Variants in BCAS3 observed in about 807,000 individuals in gnomAD.
BCAS3 encodes the protein BCAS4/BCAS3 fusion.
A neutral mutation model predicts 116.1 loss-of-function variants in BCAS3; 53 were observed. The observed-to-expected ratio is 0.46, with a 90% confidence interval of 0.37 to 0.57. The LOEUF (loss-of-function observed/expected upper bound fraction) is 0.57, where lower values mean the gene tolerates loss of function less well. Ranked by LOEUF, BCAS3 falls within the 20% of genes least tolerant of loss-of-function variation. BCAS3 has a pLI of 0.00. For synonymous variants in BCAS3, 391 were observed against 408.2 expected (o/e 0.96, Z 0.51); for missense variants, 917 against 1,165.4 (o/e 0.79, Z 3.10).
intron 14 of BCAS3, among the ~76,000 whole-genome samples, chr17:60,973,471 C>G (rs960189726): frequency 1.3e-5 from 2 of 151,900 alleles, no homozygotes; most frequent in East Asian, 3.9e-4. Flanking sequence ...ATAATCATCA[C>G]CACAATCAAG....
At position 60,912,687 on chromosome 17, in the gene BCAS3, G is replaced by A. The variant is rs148685792; in HGVS notation, c.993+1985G>A. 2.9e-3 allele frequency among the ~76,000 whole-genome samples: 439 copies of A among 152,182 alleles called. 5 individuals are homozygous for A. Among genetic ancestry groups the A allele is most frequent in the Admixed American group, 4.8e-3 (74 of 15,282 alleles). The stretch of plus-strand genomic sequence containing the variant: ...TTAGTTGATGTGGATAAACACAAAT[G>A]TTCTCTTTTTTAATTGAAATGAAAT... On this transcript the variant is annotated intron_variant, in intron 12 of 23. Coordinates refer to ENST00000407086, the MANE Select transcript of BCAS3 (RefSeq NM_017679.5).
At chr17:60,708,038 G>A (rs902833815) in intron 4 of BCAS3, among the ~76,000 whole-genome samples, 2 of 152,030 alleles carry the variant, frequency 1.3e-5, no homozygotes, top group Admixed American at 1.3e-4. Flanking sequence ...AGAAAAGTGT[G>A]TAAGGCCGGA....
chr17:61,371,386 AC>A (rs1181666486), intron 23 of BCAS3, among the ~76,000 whole-genome samples: 16 of 152,190 alleles, frequency 1.1e-4, no homozygotes, highest in Admixed American at 2.6e-4. Flanking sequence ...TCAGCTCCCC[AC>A]AAAGTAAAGT....
chr17:61,388,692 G>A lies in BCAS3; in HGVS notation c.2594-3285G>A, dbSNP rs753541091. 3.2e-6 allele frequency: 5 copies of A among 1,550,208 alleles called. No homozygotes were observed. The highest frequency in any genetic ancestry group is 2.7e-5 in the African/African-American group (2 of 73,308). ...GCAACCCAACAGTAACAAAGCATGC[G>A]TTCGGGATGGAGGAAGGTAAGGCCA... On this transcript the variant is annotated intron_variant, in intron 23 of 23. Transcript: ENST00000407086. This position sits in a 1 kb window ranked among gnomAD's most constrained non-coding sequence, Gnocchi z 6.5.
rs2061454622 is a variant in BCAS3, at chr17:60,962,386, G to A, written c.1221+15034G>A. Among the ~76,000 whole-genome samples, 1 of 152,166 alleles carries A rather than the reference G, an allele frequency of 6.6e-6. No individual in the cohort carries two copies. Among genetic ancestry groups the A allele is most frequent in the Admixed American group, 6.5e-5 (1 of 15,278 alleles). On this transcript the variant is annotated intron_variant, in intron 14 of 23. Coordinates refer to ENST00000407086, the MANE Select transcript of BCAS3 (RefSeq NM_017679.5). The surrounding 1 kb of genome is among the most constrained non-coding windows in gnomAD (Gnocchi z 4.4). ...TGATACAAGCCATTTTTACTAGGGT[G>A]AGATGATATCTTGTTGTGGTTTTGA...
At chr17:60,775,802 A>G (rs1221361800) in intron 6 of BCAS3, among the ~76,000 whole-genome samples, 1 of 152,224 alleles carries the variant, frequency 6.6e-6, no homozygotes, top group Admixed American at 6.5e-5. Flanking sequence ...GTATGAGTCT[A>G]TATAAGTAAA....
chr17:61,267,700 C>T (rs555388407), intron 22 of BCAS3, among the ~76,000 whole-genome samples: 5 of 144,598 alleles, frequency 3.5e-5, no homozygotes, highest in Admixed American at 2.8e-4. Flanking sequence ...CCAGCCTGGG[C>T]GACAGAGCAA....
At chr17:60,965,513 G>A (rs1429895420) in intron 14 of BCAS3, among the ~76,000 whole-genome samples, 2 of 151,968 alleles carry the variant, frequency 1.3e-5, no homozygotes, top group African/African-American at 2.4e-5. Flanking sequence ...GAGCCACCAC[G>A]CCCGGCCTAT....
At position 61,220,867 on chromosome 17, in the gene BCAS3, G is replaced by A. The variant is rs557070770; in HGVS notation, c.2425+136303G>A. The stretch of plus-strand genomic sequence containing the variant: ...TGTAATCCCAGCACTTTGGGAGGCC[G>A]AGGTGGGTGGATCACGAGGTCAGGA... On this transcript the variant is annotated intron_variant, in intron 22 of 23. Transcript: ENST00000407086. This position sits in a 1 kb window ranked among gnomAD's most constrained non-coding sequence, Gnocchi z 4.5. Among the ~76,000 whole-genome samples, 922 of 152,156 alleles carry A rather than the reference G, an allele frequency of 6.1e-3. 5 individuals are homozygous for A. The highest frequency in any genetic ancestry group is 0.011 in the Non-Finnish European group (762 of 67,956).
At chr17:60,768,453 C>T (rs1258769567) in intron 6 of BCAS3, among the ~76,000 whole-genome samples, 4 of 152,156 alleles carry the variant, frequency 2.6e-5, no homozygotes, top group Non-Finnish European at 5.9e-5. Flanking sequence ...CATCATTTTC[C>T]CATGCTGGAT....
chr17:61,032,649 GAA>G lies in BCAS3; in HGVS notation c.1638-2016_1638-2015del, dbSNP rs1390237380. Among the ~76,000 whole-genome samples, 1 of 152,140 alleles carries G rather than the reference GAA, an allele frequency of 6.6e-6. No individual in the cohort carries two copies. Among genetic ancestry groups the G allele is most frequent in the Non-Finnish European group, 1.5e-5 (1 of 68,006 alleles). On this transcript the variant is annotated intron_variant, in intron 16 of 23. Transcript: ENST00000407086. The surrounding 1 kb of genome is among the most constrained non-coding windows in gnomAD (Gnocchi z 4.6). The stretch of plus-strand genomic sequence containing the variant: ...CATATTTGTTCAGGTATAGGGCAGA[GAA>G]GAGTCTTCCTTTCTGGAGGTATGTT...
At chr17:60,859,195 C>T (rs1213894172) in intron 7 of BCAS3, among the ~76,000 whole-genome samples, 4 of 151,744 alleles carry the variant, frequency 2.6e-5, no homozygotes, top group Non-Finnish European at 5.9e-5. Flanking sequence ...AATTTTTTTT[C>T]CAACTTTTAT....
chr17:60,871,745 G>T (rs2055124774), intron 8 of BCAS3, among the ~76,000 whole-genome samples: 2 of 151,698 alleles, frequency 1.3e-5, no homozygotes, highest in South Asian at 4.1e-4. Flanking sequence ...TCACCCTAGG[G>T]GTAATTATCT....
intron 19 of BCAS3, among the ~76,000 whole-genome samples, chr17:61,046,859 A>T (rs1292857155): frequency 6.6e-6 from 1 of 151,992 alleles, no homozygotes; most frequent in East Asian, 1.9e-4. Flanking sequence ...ATAATAGTAG[A>T]CAAAGAATGA....
At chr17:61,061,001 G>A (rs1331226250) in intron 19 of BCAS3, among the ~76,000 whole-genome samples, 2 of 152,200 alleles carry the variant, frequency 1.3e-5, no homozygotes, top group African/African-American at 4.8e-5. Context: ...AAACCCTGCA[G>A]TAGTTGTGGG....
chr17:61,316,556 C>A lies in BCAS3; in HGVS notation c.2426-51771C>A, dbSNP rs6504037. ...TTCCACAGCTCCCCTGCAGTAGCACCCCTCTGCACAGCTTTCCTCTTCGCT... is the reference window on the plus strand; with the variant it reads ...TTCCACAGCTCCCCTGCAGTAGCACACCTCTGCACAGCTTTCCTCTTCGCT... On this transcript the variant is annotated intron_variant, in intron 22 of 23. Transcript: ENST00000407086. This position sits in a 1 kb window ranked among gnomAD's most constrained non-coding sequence, Gnocchi z 5.8. Among the ~76,000 whole-genome samples the A allele has an allele frequency of 0.77, 116,206 of 151,626 alleles. 44,802 individuals carry two copies. Among genetic ancestry groups the A allele is most frequent in the African/African-American group, 0.85 (35,065 of 41,312 alleles).
chr17:60,685,721 T>C (rs1267980800), intron 3 of BCAS3, among the ~76,000 whole-genome samples: 1 of 152,180 alleles, frequency 6.6e-6, no homozygotes, highest in Non-Finnish European at 1.5e-5. Flanking sequence ...GGTAGAGATG[T>C]AGATTTTTGG....
At chr17:61,283,618 T>G (rs2051439642) in intron 22 of BCAS3, among the ~76,000 whole-genome samples, 1 of 151,994 alleles carries the variant, frequency 6.6e-6, no homozygotes, top group African/African-American at 2.4e-5. Flanking sequence ...CATGCCTGGC[T>G]AATTTTTTGT....
At chr17:60,836,879 T>A (rs2051417382) in intron 7 of BCAS3, among the ~76,000 whole-genome samples, 1 of 152,186 alleles carries the variant, frequency 6.6e-6, no homozygotes. Flanking sequence ...TTAGAATATG[T>A]TTCACTTGCA....
Sources: gnomAD v4.1 joint callset for allele counts (sites outside exome capture counted in the v4.1 genomes callset) on GRCh38, gnomAD v4.1.1 for gene constraint, Gnocchi (gnomAD v3.1) non-coding constraint, MANE v1.5 for transcripts, NCBI Gene and HGNC (gene_info 2026-07-23, HGNC 2026-07-21) for gene names.